METTL16: variants seen among roughly 807,000 people sequenced by gnomAD.
The protein encoded by METTL16 is methyltransferase 16, RNA N6-adenosine, also known as RNA N(6)-adenosine-methyltransferase METTL16.
In METTL16, 19 loss-of-function variants were observed where a neutral mutation model predicts 57.9. The ratio of observed to expected loss-of-function variants is 0.33; its 90% CI spans 0.23 to 0.48. The LOEUF is 0.48. METTL16 is among the 20% of genes least tolerant of loss of function. The probability of loss-of-function intolerance (pLI) is 0.99; values close to 1 mark genes in which losing one functional copy is unlikely to be tolerated. For missense variants in METTL16, 434 were observed against 691.5 expected (o/e 0.63, Z 4.18); for synonymous variants, 246 against 255.6 (o/e 0.96, Z 0.36).
Position 2,467,896 on chromosome 17 carries a change from T to C in METTL16, c.470-20A>G, listed in dbSNP as rs2067212702. 2 of 1,516,558 alleles carry C rather than the reference T, an allele frequency of 1.3e-6. No homozygotes were observed. Among genetic ancestry groups the C allele is most frequent in the Non-Finnish European group, 1.8e-6 (2 of 1,091,426 alleles). The allele number at this position is 1,516,558 out of a possible 1,614,324, so 93.9% of individuals were successfully genotyped here. A position where few individuals can be genotyped will look rare whatever the true frequency, so the allele number is the denominator to read the frequency against. ...TCACCACTAGGAGAAAAAACAGGAC[T>C]GTGAACTAATATTAATGTTGCAGTG... On this transcript the variant is annotated intron_variant, in intron 4 of 9. Transcript: ENST00000263092.
At chr17:2,508,176 ATT>A (rs1441147055) in intron 1 of METTL16, among the ~76,000 whole-genome samples, 1 of 151,824 alleles carries the variant, frequency 6.6e-6, no homozygotes, top group Non-Finnish European at 1.5e-5. Flanking sequence ...AGCAATAAAT[ATT>A]TTTCTTTTGC....
At chr17:2,457,231 G>A (rs2067117295) in intron 6 of METTL16, among the ~76,000 whole-genome samples, 1 of 150,840 alleles carries the variant, frequency 6.6e-6, no homozygotes, top group African/African-American at 2.4e-5. Context: ...CAAGCTACTA[G>A]GGAGGCTGAG....
At chr17:2,510,349 T>C (rs2067578905) in intron 1 of METTL16, among the ~76,000 whole-genome samples, 1 of 152,232 alleles carries the variant, frequency 6.6e-6, no homozygotes. Flanking sequence ...TGTTGCTGAC[T>C]TTAGTCACCA....
intron 2 of METTL16, among the ~76,000 whole-genome samples, chr17:2,495,364 G>A (rs367764846): frequency 9.9e-5 from 15 of 152,118 alleles, no homozygotes; most frequent in African/African-American, 3.4e-4. Context: ...ATTTGGGATT[G>A]ATGAGAGGAG....
At chr17:2,433,647 T>C (rs1022048490) in intron 8 of METTL16, among the ~76,000 whole-genome samples, 2 of 152,216 alleles carry the variant, frequency 1.3e-5, no homozygotes, top group African/African-American at 2.4e-5. Flanking sequence ...GTTCACTCGA[T>C]TGCTGTCAGG....
intron 8 of METTL16, among the ~76,000 whole-genome samples, chr17:2,435,075 T>A (rs2066899977): frequency 6.6e-6 from 1 of 152,256 alleles, no homozygotes; most frequent in Admixed American, 6.5e-5. Flanking sequence ...TGCTTCCTTA[T>A]ATTCATCATT....
At chr17:2,450,194 A>G (rs565390109) in intron 6 of METTL16, among the ~76,000 whole-genome samples, 1 of 152,342 alleles carries the variant, frequency 6.6e-6, no homozygotes, top group Admixed American at 6.5e-5. Flanking sequence ...TTTTATTCCT[A>G]CTAGCCAAAA....
rs140990553 is a variant in METTL16, at chr17:2,503,730, A to G, written c.1-1399T>C. Among the ~76,000 whole-genome samples, 518 of 152,232 alleles carry G rather than the reference A, an allele frequency of 3.4e-3. 1 individual carries two copies. Among genetic ancestry groups the G allele is most frequent in the African/African-American group, 0.011 (475 of 41,542 alleles). ...AATATGGTATATCCATACAATAAATATGGATAAACAAAATACAGTATATCC... is the reference window on the plus strand; with the variant it reads ...AATATGGTATATCCATACAATAAATGTGGATAAACAAAATACAGTATATCC... On this transcript the variant is annotated intron_variant, in intron 1 of 9. Transcript: ENST00000263092.
At chr17:2,427,610 AT>A (rs1462282312) in intron 8 of METTL16, among the ~76,000 whole-genome samples, 6 of 151,936 alleles carry the variant, frequency 3.9e-5, no homozygotes, top group Non-Finnish European at 5.9e-5. Context: ...TTGGCATGGG[AT>A]TCTTTTATTT....
At chr17:2,486,779 C>A (rs2067344661) in intron 2 of METTL16, among the ~76,000 whole-genome samples, 1 of 151,836 alleles carries the variant, frequency 6.6e-6, no homozygotes, top group Non-Finnish European at 1.5e-5. Flanking sequence ...TTGAGACCAA[C>A]CTGGGTAGCA....
intron 2 of METTL16, among the ~76,000 whole-genome samples, 156 bp downstream of exon 2, chr17:2,502,048 T>C (rs1218143771): frequency 6.6e-6 from 1 of 152,108 alleles, no homozygotes; most frequent in Non-Finnish European, 1.5e-5. Context: ...ATGTTATACA[T>C]TAAAAAGCTG....
At chr17:2,450,388 G>C (rs955551765) in intron 6 of METTL16, among the ~76,000 whole-genome samples, 4 of 152,136 alleles carry the variant, frequency 2.6e-5, no homozygotes, top group African/African-American at 9.7e-5. Flanking sequence ...GAAAAGTCTA[G>C]AACACACAAA....
At position 2,428,583 on chromosome 17, in the gene METTL16, AT is replaced by A. The variant is rs1567881587; in HGVS notation, c.889-7680del. ...AAAAAAAATATATATATATATATAT[AT>A]ATATATATATATATATATAAATTGT... is the stretch of plus-strand genomic sequence containing the variant. On this transcript the variant is annotated intron_variant, in intron 8 of 9. Coordinates refer to ENST00000263092, the MANE Select transcript of METTL16 (RefSeq NM_024086.4). 4.1e-4 allele frequency among the ~76,000 whole-genome samples: 19 copies of A among 46,202 alleles called. 1 individual carries two copies. Among genetic ancestry groups the A allele is most frequent in the African/African-American group, 1.8e-3 (19 of 10,540 alleles). 30.3% of individuals were successfully genotyped at this position (46,202 alleles called of 152,430 possible).
chr17:2,469,954 CCA>C (rs1247431656), intron 4 of METTL16, among the ~76,000 whole-genome samples: 1 of 152,146 alleles, frequency 6.6e-6, no homozygotes, highest in Non-Finnish European at 1.5e-5. Context: ...TACAAAGTAG[CCA>C]CAAATAGTCA....
chr17:2,492,920 C>CA (rs1309254014), intron 2 of METTL16, among the ~76,000 whole-genome samples: 4 of 129,184 alleles, frequency 3.1e-5, no homozygotes, highest in Admixed American at 7.7e-5. Flanking sequence ...AAAAAAACAA[C>CA]AAAAAAAACA....
intron 6 of METTL16, among the ~76,000 whole-genome samples, chr17:2,444,394 G>A (rs1255717488): frequency 6.6e-6 from 1 of 152,032 alleles, no homozygotes; most frequent in African/African-American, 2.4e-5. Context: ...AGGTTGCAGT[G>A]AGCAGAGATC....
intron 2 of METTL16, 40 bp downstream of exon 2, chr17:2,502,164 A>G (rs1444988313): frequency 6.2e-7 from 1 of 1,600,710 alleles, no homozygotes; most frequent in East Asian, 2.2e-5. Flanking sequence ...ATCCATTTGA[A>G]TCACACAAGA....
At chr17:2,432,173 A>T (rs1262807724) in intron 8 of METTL16, among the ~76,000 whole-genome samples, 7 of 152,186 alleles carry the variant, frequency 4.6e-5, no homozygotes, top group Admixed American at 1.3e-4. Context: ...GATGGTCTCG[A>T]TCTCCTGACC....
chr17:2,447,448 T>TG (rs1194200127), intron 6 of METTL16, among the ~76,000 whole-genome samples: 60 of 84,734 alleles, frequency 7.1e-4, no homozygotes, highest in Admixed American at 2.1e-3. Context: ...GGGAGGGAGG[T>TG]GGGGGGGGTC....
Sources: gnomAD v4.1 joint callset for allele counts (sites outside exome capture counted in the v4.1 genomes callset) on GRCh38, gnomAD v4.1.1 for gene constraint, MANE v1.5 for transcripts, NCBI Gene and HGNC (gene_info 2026-07-23, HGNC 2026-07-21) for gene names.